Variants in TSPAN18 observed in about 807,000 individuals in gnomAD.
TSPAN18 encodes tetraspanin 18.
In TSPAN18, 14 loss-of-function variants were observed where a neutral mutation model predicts 27.3. That is an observed-to-expected ratio of 0.51 (90% CI 0.34 to 0.80). The LOEUF (loss-of-function observed/expected upper bound fraction) is 0.80. Among genes scored for constraint, TSPAN18 ranks in the 30% least tolerant of loss-of-function variants. The pLI is 0.01. For missense variants in TSPAN18, 268 were observed against 323.9 expected (o/e 0.83, Z 1.32); for synonymous variants, 143 against 136.5 (o/e 1.05, Z -0.33).
rs569318198 is a variant in TSPAN18, at chr11:44,768,826, C to A, written c.-153+4314C>A. On this transcript the variant is annotated intron_variant, in intron 2 of 9. Transcript: ENST00000520358. ...TGGATTTTGTCAAATGCTTTTTCTG[C>A]ATTTATTGATATGATCCTGCAATTT... Among the ~76,000 whole-genome samples the A allele has an allele frequency of 3.3e-5, 5 of 150,810 alleles. No homozygotes were observed. The South Asian group carries it at 1.1e-3, about 32-fold the overall frequency.
At chr11:44,764,875 C>T (rs1040280610) in intron 2 of TSPAN18, among the ~76,000 whole-genome samples, 7 of 152,204 alleles carry the variant, frequency 4.6e-5, no homozygotes, top group Non-Finnish European at 1.0e-4. Context: ...ATACCCACCA[C>T]AGTCTTGGGA....
At chr11:44,906,920 G>T (rs1859474678) in intron 4 of TSPAN18, among the ~76,000 whole-genome samples, 1 of 152,188 alleles carries the variant, frequency 6.6e-6, no homozygotes, top group South Asian at 2.1e-4. Flanking sequence ...ACCTCTCTGG[G>T]AATGCAAGAC....
intron 3 of TSPAN18, among the ~76,000 whole-genome samples, chr11:44,888,898 C>A (rs1858750467): frequency 6.6e-6 from 1 of 152,148 alleles, no homozygotes; most frequent in African/African-American, 2.4e-5. Flanking sequence ...AATTGTAATC[C>A]CCATGTGTCG....
At chr11:44,822,369 A>C (rs770509063) in intron 2 of TSPAN18, among the ~76,000 whole-genome samples, 55 of 152,198 alleles carry the variant, frequency 3.6e-4, no homozygotes, top group Non-Finnish European at 7.4e-4. Context: ...TTTCTCACTC[A>C]GCGACAATCC....
chr11:44,802,304 C>A (rs1165159031), intron 2 of TSPAN18, among the ~76,000 whole-genome samples: 1 of 142,630 alleles, frequency 7.0e-6, no homozygotes, highest in African/African-American at 2.7e-5. Context: ...AGAAGCGAAG[C>A]ACAAAGTGGT....
intron 3 of TSPAN18, among the ~76,000 whole-genome samples, chr11:44,868,753 G>A (rs1017572677): frequency 6.6e-6 from 1 of 152,220 alleles, no homozygotes; most frequent in African/African-American, 2.4e-5. Flanking sequence ...GGCAGAACCG[G>A]AGAGGGGGAA....
At position 44,929,206 on chromosome 11, in the gene TSPAN18, G is replaced by A. The variant is rs200471817; in HGVS notation, c.*28G>A. 9.3e-6 allele frequency: 15 copies of A among 1,612,996 alleles called. No individual in the cohort carries two copies. Among genetic ancestry groups the A allele is most frequent in the Middle Eastern group, 1.7e-4 (1 of 6,048 alleles). ...GGTATGGCCTGAAGCCTGAAGACTCGCCCCACCCACCACTGCCCAGCACCC... is the reference window on the plus strand; with the variant it reads ...GGTATGGCCTGAAGCCTGAAGACTCACCCCACCCACCACTGCCCAGCACCC... On this transcript the variant is annotated 3_prime_UTR_variant, in exon 10 of 10. Transcript: ENST00000520358.
At chr11:44,816,341 C>T (rs537074000) in intron 2 of TSPAN18, among the ~76,000 whole-genome samples, 5 of 152,322 alleles carry the variant, frequency 3.3e-5, no homozygotes, top group African/African-American at 1.2e-4. Flanking sequence ...TGAAATTGTC[C>T]AGAGACTGCA....
In TSPAN18 at chr11:44,727,085, C is replaced by CCCGGT. The variant is rs1854531928; in HGVS notation, c.-440_-439insGGTCC. On this transcript the variant is annotated 5_prime_UTR_variant, in exon 1 of 10. Coordinates refer to ENST00000520358, the MANE Select transcript of TSPAN18 (RefSeq NM_130783.5). ...GCCCCGGCCCCAGCCCCGGCCCCGG[C>CCCGGT]CCCGGCCCCGGCCCCGGCCCCGGTC... is the stretch of plus-strand genomic sequence containing the variant. 8.1e-4 allele frequency: 1 copy of CCCGGT among 1,238 alleles called. No homozygotes were observed. Among genetic ancestry groups the CCCGGT allele is most frequent in the Non-Finnish European group, 6.7e-3 (1 of 150 alleles). The allele number at this position is 1,238 out of a possible 1,614,324, so 0.1% of individuals were successfully genotyped here.
intron 1 of TSPAN18, among the ~76,000 whole-genome samples, chr11:44,740,179 T>C (rs1318125472): frequency 6.6e-6 from 1 of 152,150 alleles, no homozygotes; most frequent in African/African-American, 2.4e-5. Context: ...AAATGTCATC[T>C]TTTCCTTTTC....
chr11:44,897,547 C>T (rs1859106311), intron 3 of TSPAN18, among the ~76,000 whole-genome samples: 1 of 152,218 alleles, frequency 6.6e-6, no homozygotes, highest in African/African-American at 2.4e-5. Flanking sequence ...CACCCAGGAG[C>T]TGCCATCTGG....
intron 3 of TSPAN18, among the ~76,000 whole-genome samples, chr11:44,893,018 G>A (rs937582704): frequency 6.6e-6 from 1 of 152,252 alleles, no homozygotes; most frequent in African/African-American, 2.4e-5. Context: ...GCTGTGCTGT[G>A]TGACTCTGGG....
chr11:44,922,117 ATTTT>A (rs10659284), intron 8 of TSPAN18, among the ~76,000 whole-genome samples: 2 of 131,388 alleles, frequency 1.5e-5, no homozygotes. Flanking sequence ...CCCAGGATGC[ATTTT>A]TTTTTTTTTT....
intron 3 of TSPAN18, among the ~76,000 whole-genome samples, chr11:44,877,738 T>C (rs1331478800): frequency 6.6e-6 from 1 of 152,126 alleles, no homozygotes; most frequent in African/African-American, 2.4e-5. Context: ...TTAACGGTAA[T>C]TACGAAGTTA....
intron 1 of TSPAN18, among the ~76,000 whole-genome samples, chr11:44,753,541 G>A (rs184486687): frequency 7.2e-4 from 110 of 152,260 alleles, no homozygotes; most frequent in East Asian, 5.2e-3. Flanking sequence ...AGCTGGACTC[G>A]CCGCTGCCAC....
chr11:44,799,179 C>T (rs900296171), intron 2 of TSPAN18, among the ~76,000 whole-genome samples: 4 of 152,136 alleles, frequency 2.6e-5, no homozygotes, highest in Non-Finnish European at 5.9e-5. Flanking sequence ...CTCCTGCCCC[C>T]TCCCCAGGGG....
intron 2 of TSPAN18, among the ~76,000 whole-genome samples, chr11:44,786,458 G>T (rs1856059557): frequency 6.6e-6 from 1 of 151,250 alleles, no homozygotes; most frequent in African/African-American, 2.5e-5. Flanking sequence ...GTGAAACTCG[G>T]TGATGTCCTC....
chr11:44,910,045 A>G (rs1228483124), intron 5 of TSPAN18, 146 bp downstream of exon 5: 13 of 980,518 alleles, frequency 1.3e-5, no homozygotes, highest in Admixed American at 8.9e-5. Flanking sequence ...GATCATGGAG[A>G]TGAGCACGTC....
At chr11:44,773,324 G>C (rs2134922789) in intron 2 of TSPAN18, among the ~76,000 whole-genome samples, 1 of 152,132 alleles carries the variant, frequency 6.6e-6, no homozygotes, top group Non-Finnish European at 1.5e-5. Context: ...CCTGAGACAG[G>C]AGAATTGCTT....
Sources: gnomAD v4.1 joint callset for allele counts (sites outside exome capture counted in the v4.1 genomes callset) on GRCh38, gnomAD v4.1.1 for gene constraint, MANE v1.5 for transcripts, NCBI Gene and HGNC (gene_info 2026-07-23, HGNC 2026-07-21) for gene names.